The following SEMA5A variants were observed in gnomAD, a reference collection of about 807,000 sequenced individuals.
SEMA5A encodes semaphorin-5A.
In SEMA5A, 55 loss-of-function variants were observed where a neutral mutation model predicts 135.5. The ratio of observed to expected loss-of-function variants is 0.41; its 90% confidence interval spans 0.33 to 0.51. The LOEUF (loss-of-function observed/expected upper bound fraction) is 0.51, where lower values mean the gene tolerates loss of function less well. Ranked by LOEUF, SEMA5A falls within the 20% of genes least tolerant of loss-of-function variation. The pLI, the probability that SEMA5A is intolerant of heterozygous loss-of-function variation, is 0.37. For synonymous variants in SEMA5A, 580 were observed against 546.5 expected (o/e 1.06, Z -0.85); for missense variants, 1,290 against 1,419.9 (o/e 0.91, Z 1.47).
chr5:9,333,168 G>T (rs2526127), intron 4 of SEMA5A, among the ~76,000 whole-genome samples: 106,872 of 152,090 alleles, frequency 0.7, 40,180 homozygotes, highest in Non-Finnish European at 0.84. Context: ...GTTAAAAAAT[G>T]TTTTCATTTA....
chr5:9,545,075 G>A lies in SEMA5A; in HGVS notation c.-175+509C>T, dbSNP rs1738308104. ...TAACCAAGGCGCTTGGCGGAGTTGA[G>A]CCCAAGTCCCATTGCCTCCCGGTTC... is the stretch of plus-strand genomic sequence containing the variant. On this transcript the variant is annotated intron_variant, in intron 1 of 22. Coordinates refer to ENST00000382496, the MANE Select transcript of SEMA5A (RefSeq NM_003966.3). This position sits in a 1 kb window ranked among gnomAD's most constrained non-coding sequence, Gnocchi z 4.5. Among the ~76,000 whole-genome samples the A allele has an allele frequency of 6.6e-6, 1 of 152,152 alleles. No homozygotes were observed. The highest frequency in any genetic ancestry group is 1.9e-4 in the East Asian group (1 of 5,156).
chr5:9,101,192 G>A (rs1466648727), intron 16 of SEMA5A, among the ~76,000 whole-genome samples: 2 of 152,148 alleles, frequency 1.3e-5, no homozygotes, highest in Non-Finnish European at 2.9e-5. Context: ...TAAGCTCATT[G>A]GTGTTTAAGT....
intron 9 of SEMA5A, among the ~76,000 whole-genome samples, chr5:9,197,736 G>A (rs1430303051): frequency 4.5e-5 from 4 of 88,890 alleles, no homozygotes; most frequent in East Asian, 3.1e-4. Context: ...GTTTGTGTGT[G>A]TGTGTGTGTG....
At chr5:9,272,875 C>A (rs945869626) in intron 5 of SEMA5A, among the ~76,000 whole-genome samples, 1 of 152,102 alleles carries the variant, frequency 6.6e-6, no homozygotes, top group African/African-American at 2.4e-5. Context: ...CTTCAAAGAC[C>A]AAAGGTAGAT....
chr5:9,083,158 T>C (rs1738482184), intron 16 of SEMA5A, among the ~76,000 whole-genome samples: 1 of 152,234 alleles, frequency 6.6e-6, no homozygotes, highest in African/African-American at 2.4e-5. Flanking sequence ...TGACATTTCA[T>C]TTCATTGTAT....
intron 1 of SEMA5A, among the ~76,000 whole-genome samples, chr5:9,501,481 A>G (rs1483340990): frequency 6.6e-6 from 1 of 152,232 alleles, no homozygotes; most frequent in Non-Finnish European, 1.5e-5. Flanking sequence ...TATGTAGAGA[A>G]TACAGAAAGA....
intron 11 of SEMA5A, among the ~76,000 whole-genome samples, chr5:9,156,045 T>C (rs1742936862): frequency 6.6e-6 from 1 of 152,178 alleles, no homozygotes; most frequent in South Asian, 2.1e-4. Context: ...GGGAAGATTT[T>C]AAAATGATCT....
chr5:9,194,289 G>C (rs1004650234), intron 10 of SEMA5A, among the ~76,000 whole-genome samples: 1 of 152,160 alleles, frequency 6.6e-6, no homozygotes, highest in Non-Finnish European at 1.5e-5. Context: ...ACTGTTTTGA[G>C]ATTTCTATAT....
chr5:9,049,445 G>A (rs186842468), intron 21 of SEMA5A, among the ~76,000 whole-genome samples: 11 of 152,284 alleles, frequency 7.2e-5, no homozygotes, highest in Admixed American at 3.9e-4. Context: ...GATTACAGGC[G>A]TGAGCCACTA....
At chr5:9,151,026 G>T (rs981309554) in intron 12 of SEMA5A, among the ~76,000 whole-genome samples, 1 of 152,154 alleles carries the variant, frequency 6.6e-6, no homozygotes, top group Non-Finnish European at 1.5e-5. Context: ...GTCTCATGTT[G>T]CAGTAGCTAT....
At chr5:9,103,917 T>A (rs930727754) in intron 16 of SEMA5A, among the ~76,000 whole-genome samples, 2 of 152,208 alleles carry the variant, frequency 1.3e-5, no homozygotes, top group Admixed American at 6.5e-5. Flanking sequence ...AGTACTCTTA[T>A]GGTTGGCTGA....
chr5:9,284,640 C>A lies in SEMA5A; in HGVS notation c.270+33732G>T, dbSNP rs189334333. 7.2e-4 allele frequency among the ~76,000 whole-genome samples: 110 copies of A among 151,950 alleles called. No homozygotes were observed. In the Middle Eastern group the frequency reaches 0.014, roughly 19 times the overall value. ...CCCTTTATTTGCTAACTCAGTAATT[C>A]TTTTGGGGGGTAAAATTTTGAGGAA... On this transcript the variant is annotated intron_variant, in intron 5 of 22. Coordinates refer to ENST00000382496, the MANE Select transcript of SEMA5A (RefSeq NM_003966.3).
chr5:9,100,962 A>T (rs1187113712), intron 16 of SEMA5A, among the ~76,000 whole-genome samples: 1 of 152,136 alleles, frequency 6.6e-6, no homozygotes, highest in Non-Finnish European at 1.5e-5. Flanking sequence ...GAGAAAGTGA[A>T]AAAAAAGGAG....
chr5:9,379,481 G>C (rs1579442435), intron 3 of SEMA5A, among the ~76,000 whole-genome samples: 1 of 152,288 alleles, frequency 6.6e-6, no homozygotes, highest in South Asian at 2.1e-4. Context: ...AAGAATTTTA[G>C]GCTTTCCTTG....
chr5:9,232,163 G>T lies in SEMA5A; in HGVS notation c.334-5196C>A, dbSNP rs185951627. Among the ~76,000 whole-genome samples the T allele has an allele frequency of 7.9e-5, 12 of 152,234 alleles. No individual in the cohort carries two copies. The South Asian group carries it at 2.5e-3, about 32-fold the overall frequency. ...GGCTGTTTTCTTAATGAATTAATTGGTTTTGTCATATAGCATTTCATGATT... is the reference window on the plus strand; with the variant it reads ...GGCTGTTTTCTTAATGAATTAATTGTTTTTGTCATATAGCATTTCATGATT... On this transcript the variant is annotated intron_variant, in intron 6 of 22. Coordinates refer to ENST00000382496, the MANE Select transcript of SEMA5A (RefSeq NM_003966.3).
rs115284018 is a variant in SEMA5A at position 9,055,552 on chromosome 5, G to A, written c.2519-1295C>T. Among the ~76,000 whole-genome samples, 724 of 152,252 alleles carry A rather than the reference G, an allele frequency of 4.8e-3. 8 individuals are homozygous for A. The highest frequency in any genetic ancestry group is 0.017 in the African/African-American group (698 of 41,536). On this transcript the variant is annotated intron_variant, in intron 18 of 22. Transcript: ENST00000382496. ...TCATGATGTATTACATCATTATGGT[G>A]TAATGTTTCTTTTTAGATATTGGCA...
At chr5:9,403,164 C>T (rs752765683) in intron 2 of SEMA5A, among the ~76,000 whole-genome samples, 11 of 152,180 alleles carry the variant, frequency 7.2e-5, no homozygotes, top group Admixed American at 2.0e-4. Context: ...ATGGCCCATT[C>T]GAATGAATTA....
intron 21 of SEMA5A, among the ~76,000 whole-genome samples, chr5:9,046,144 G>A (rs1335812389): frequency 6.6e-6 from 1 of 152,176 alleles, no homozygotes; most frequent in East Asian, 1.9e-4. Flanking sequence ...TGTGCCACCT[G>A]CTCAGAGCAC....
At chr5:9,099,769 G>T (rs1428478675) in intron 16 of SEMA5A, among the ~76,000 whole-genome samples, 1 of 152,162 alleles carries the variant, frequency 6.6e-6, no homozygotes, top group Non-Finnish European at 1.5e-5. Context: ...ATCAGGCTGT[G>T]CCCAACAAGG....
Sources: allele counts gnomAD v4.1 joint callset (sites outside exome capture counted in the v4.1 genomes callset), GRCh38; gene constraint gnomAD v4.1.1; non-coding constraint Gnocchi (gnomAD v3.1); transcripts MANE v1.5; gene names NCBI Gene and HGNC (gene_info 2026-07-23, HGNC 2026-07-21).